The following RNF144A variants were observed in gnomAD, a reference collection of about 807,000 sequenced individuals.
RNF144A encodes the protein ring finger protein 144A, also known as E3 ubiquitin-protein ligase RNF144A.
In RNF144A, 11 loss-of-function variants were observed where a neutral mutation model predicts 38.7. The ratio of observed to expected loss-of-function variants is 0.28; its 90% CI spans 0.18 to 0.47. The LOEUF (loss-of-function observed/expected upper bound fraction) is 0.47. RNF144A is among the 20% of genes least tolerant of loss of function. The probability of loss-of-function intolerance (pLI) is 0.99; values close to 1 mark genes in which losing one functional copy is unlikely to be tolerated. For synonymous variants in RNF144A, 149 were observed against 143.9 expected (o/e 1.04, Z -0.25); for missense variants, 316 against 377.2 (o/e 0.84, Z 1.34).
chr2:7,003,010 A>C (rs1459079515), intron 3 of RNF144A, among the ~76,000 whole-genome samples: 1 of 152,174 alleles, frequency 6.6e-6, no homozygotes, highest in East Asian at 1.9e-4. Context: ...AAATAAAAAA[A>C]TTTACAAATA....
At chr2:6,967,839 A>G (rs76500236) in intron 2 of RNF144A, among the ~76,000 whole-genome samples, 3,260 of 152,336 alleles carry the variant, frequency 0.021, 127 homozygotes, top group African/African-American at 0.075. Context: ...AAATGAGGGA[A>G]AACTCAAAAG....
chr2:6,959,218 C>G lies in RNF144A; in HGVS notation c.-12+18071C>G, dbSNP rs562641566. ...CTCCAGGGAGTTCTGATCTCAGGGT[C>G]TCATGAAGCCTTGTAACTTTCACAA... On this transcript the variant is annotated intron_variant, in intron 2 of 8. Coordinates refer to ENST00000320892, the MANE Select transcript of RNF144A (RefSeq NM_014746.6). Among the ~76,000 whole-genome samples the G allele has an allele frequency of 6.6e-5, 10 of 152,248 alleles. No individual in the cohort carries two copies. In the South Asian group the frequency reaches 1.9e-3, roughly 28 times the overall value.
At chr2:7,056,747 C>G (rs1479253182) in intron 6 of RNF144A, among the ~76,000 whole-genome samples, 3 of 152,214 alleles carry the variant, frequency 2.0e-5, no homozygotes, top group African/African-American at 4.8e-5. Flanking sequence ...ATTCAAATTC[C>G]ATGGTCTCCC....
At chr2:6,928,550 G>C (rs534437717) in intron 1 of RNF144A, among the ~76,000 whole-genome samples, 3 of 152,162 alleles carry the variant, frequency 2.0e-5, no homozygotes, top group Non-Finnish European at 2.9e-5. Context: ...AATACTAGAC[G>C]TGCCCCCAGG....
intron 8 of RNF144A, among the ~76,000 whole-genome samples, chr2:7,030,446 C>T (rs940487444): frequency 7.2e-5 from 11 of 152,110 alleles, no homozygotes; most frequent in Admixed American, 3.9e-4. Context: ...TTAATGTCAA[C>T]GCGCATCACA....
rs540775315 is a variant in RNF144A at position 6,958,109 on chromosome 2, A to G, written c.-12+16962A>G. ...TGGAAGGTGACAGATGGAAGCACAC[A>G]GTAGTCTGCAGCCAGGCTGTCATGC... On this transcript the variant is annotated intron_variant, in intron 2 of 8. Transcript: ENST00000320892. The surrounding 1 kb of genome is among the most constrained non-coding windows in gnomAD (Gnocchi z 4.5). Among the ~76,000 whole-genome samples, 8 of 152,372 alleles carry G rather than the reference A, an allele frequency of 5.3e-5. No individual in the cohort carries two copies. Among genetic ancestry groups the G allele is most frequent in the East Asian group, 1.9e-4 (1 of 5,188 alleles).
In RNF144A at chr2:6,990,649, A is replaced by G. The variant is rs565208475; in HGVS notation, c.-11-6267A>G. Among the ~76,000 whole-genome samples, 13 of 151,814 alleles carry G rather than the reference A, an allele frequency of 8.6e-5. No homozygotes were observed. The East Asian group carries it at 1.5e-3, about 18-fold the overall frequency. ...TGCTAAATCTCCAAATATAGTCCCA[A>G]TGGGGGTTTGGGCTTCTGCATACAA... is the stretch of plus-strand genomic sequence containing the variant. On this transcript the variant is annotated intron_variant, in intron 2 of 8. Coordinates refer to ENST00000320892, the MANE Select transcript of RNF144A (RefSeq NM_014746.6).
chr2:7,036,008 C>T (rs770251022), intron 8 of RNF144A, among the ~76,000 whole-genome samples: 1 of 152,146 alleles, frequency 6.6e-6, no homozygotes, highest in Non-Finnish European at 1.5e-5. Context: ...AATGCAAGAC[C>T]GCACGGTGGG....
chr2:6,923,586 C>T (rs1169805808), intron 1 of RNF144A, among the ~76,000 whole-genome samples: 1 of 152,186 alleles, frequency 6.6e-6, no homozygotes, highest in Non-Finnish European at 1.5e-5. Flanking sequence ...CCTTTCCTTC[C>T]AGCTGTAAAA....
At chr2:6,945,628 T>C (rs1341547312) in intron 2 of RNF144A, among the ~76,000 whole-genome samples, 2 of 152,188 alleles carry the variant, frequency 1.3e-5, no homozygotes, top group African/African-American at 4.8e-5. Context: ...GCATCCATGA[T>C]GTGCAAGGTC....
intron 2 of RNF144A, among the ~76,000 whole-genome samples, chr2:6,947,132 T>C (rs1319327195): frequency 6.6e-6 from 1 of 152,166 alleles, no homozygotes. Context: ...AAATTGATCT[T>C]GAATTGAGTC....
chr2:7,047,319 T>C (rs80103011), downstream of RNF144A, among the ~76,000 whole-genome samples: 67 of 152,274 alleles, frequency 4.4e-4, no homozygotes, highest in Non-Finnish European at 7.9e-4. Context: ...GGGAAGTGTA[T>C]TAGTCCATTT....
chr2:6,998,636 C>T (rs1181593233), intron 3 of RNF144A, among the ~76,000 whole-genome samples: 1 of 152,090 alleles, frequency 6.6e-6, no homozygotes, highest in South Asian at 2.1e-4. Flanking sequence ...CATTAAAGCA[C>T]CAGGAAGACA....
chr2:6,996,443 C>A (rs917019027), intron 2 of RNF144A, among the ~76,000 whole-genome samples: 1 of 152,118 alleles, frequency 6.6e-6, no homozygotes, highest in Non-Finnish European at 1.5e-5. Flanking sequence ...ATGAAAGTTA[C>A]TACCAGAATG....
intron 2 of RNF144A, among the ~76,000 whole-genome samples, chr2:6,965,581 C>CTT (rs992889346): frequency 5.9e-5 from 9 of 152,116 alleles, no homozygotes; most frequent in African/African-American, 2.2e-4. Context: ...GGCGGTGACT[C>CTT]TGTCTCAGTG....
intron 3 of RNF144A, 41 bp downstream of exon 3, chr2:6,997,102 G>A: frequency 2.5e-6 from 4 of 1,602,688 alleles, no homozygotes; most frequent in Non-Finnish European, 3.4e-6. Flanking sequence ...AGTGATTTTA[G>A]GATGAGCTTT....
chr2:7,066,579 G>A (rs1558473120), intron 6 of RNF144A, among the ~76,000 whole-genome samples: 1 of 152,164 alleles, frequency 6.6e-6, no homozygotes, highest in Admixed American at 6.5e-5. Flanking sequence ...TGTTTTCCTT[G>A]TAACAGTACA....
chr2:6,949,960 T>A (rs977542377), intron 2 of RNF144A, among the ~76,000 whole-genome samples: 36 of 152,244 alleles, frequency 2.4e-4, no homozygotes, highest in African/African-American at 6.0e-4. Context: ...TATTATTATT[T>A]TTTTATTTAC....
chr2:6,977,226 G>A (rs550162348), intron 2 of RNF144A, among the ~76,000 whole-genome samples: 9 of 152,376 alleles, frequency 5.9e-5, no homozygotes, highest in African/African-American at 1.7e-4. Context: ...CTCCACATGA[G>A]TAAAGCAGGA....
Sources: allele counts gnomAD v4.1 joint callset (sites outside exome capture counted in the v4.1 genomes callset), GRCh38; gene constraint gnomAD v4.1.1; non-coding constraint Gnocchi (gnomAD v3.1); transcripts MANE v1.5; gene names NCBI Gene and HGNC (gene_info 2026-07-23, HGNC 2026-07-21).